Variants in GLG1 observed in about 807,000 individuals in gnomAD.
GLG1 encodes the protein golgi glycoprotein 1, also known as Golgi apparatus protein 1.
GLG1 carries 38 observed loss-of-function variants against 160.5 expected under a neutral mutation model. That is an observed-to-expected ratio of 0.24 (90% CI 0.18 to 0.31). The LOEUF (loss-of-function observed/expected upper bound fraction) is 0.31, where lower values mean the gene tolerates loss of function less well. Ranked by LOEUF, GLG1 falls within the 10% of genes least tolerant of loss-of-function variation. The pLI is 1.00. For synonymous variants in GLG1, 644 were observed against 543.4 expected (o/e 1.19, Z -2.57); for missense variants, 1,373 against 1,505.2 (o/e 0.91, Z 1.45).
intron 10 of GLG1, among the ~76,000 whole-genome samples, chr16:74,482,600 G>C (rs1161083996): frequency 6.6e-6 from 1 of 151,954 alleles, no homozygotes; most frequent in Admixed American, 6.6e-5. Context: ...CCTTAAGACA[G>C]ACTTAATTCA....
chr16:74,453,721 T>C (rs933805833), intron 25 of GLG1, among the ~76,000 whole-genome samples: 2 of 152,176 alleles, frequency 1.3e-5, no homozygotes, highest in African/African-American at 4.8e-5. Context: ...GGATGGAGAA[T>C]CAGTGCCCAG....
At chr16:74,516,788 C>T (rs113464744) in intron 2 of GLG1, among the ~76,000 whole-genome samples, 1 of 151,834 alleles carries the variant, frequency 6.6e-6, no homozygotes, top group Non-Finnish European at 1.5e-5. Context: ...TTGAAAAGAT[C>T]AACAAAATAG....
At position 74,452,111 on chromosome 16, in the gene GLG1, G is replaced by T. The variant is rs150213948; in HGVS notation, c.*1056C>A. Reference sequence around the variant, plus strand: ...CCACACTAAACCTTTATAAGCCATTGTCTCTGACCTGTATTGTAGCCTGAA... The same window carrying T: ...CCACACTAAACCTTTATAAGCCATTTTCTCTGACCTGTATTGTAGCCTGAA... On this transcript the variant is annotated 3_prime_UTR_variant, in exon 26 of 26. Coordinates refer to ENST00000422840, the MANE Select transcript of GLG1 (RefSeq NM_001145667.2). The T allele has an allele frequency of 2.6e-4, 418 of 1,614,036 alleles. No homozygotes were observed. Among genetic ancestry groups the T allele is most frequent in the Non-Finnish European group, 3.3e-4 (393 of 1,179,910 alleles).
At chr16:74,578,776 T>A (rs1296144698) in intron 1 of GLG1, among the ~76,000 whole-genome samples, 1 of 152,236 alleles carries the variant, frequency 6.6e-6, no homozygotes, top group African/African-American at 2.4e-5. Context: ...TGTGGTTTTT[T>A]AAAATCTTCC....
intron 1 of GLG1, among the ~76,000 whole-genome samples, chr16:74,606,096 G>A (rs929236738): frequency 6.6e-6 from 1 of 152,184 alleles, no homozygotes; most frequent in Non-Finnish European, 1.5e-5. Flanking sequence ...GGGGCGCCAA[G>A]TCACTGGGAG....
At chr16:74,556,659 G>C (rs1329840389) in intron 1 of GLG1, among the ~76,000 whole-genome samples, 1 of 151,400 alleles carries the variant, frequency 6.6e-6, no homozygotes, top group South Asian at 2.1e-4. Flanking sequence ...ATTCCAACCT[G>C]GGTGGCAGGT....
chr16:74,554,210 C>T (rs1402759957), intron 1 of GLG1, among the ~76,000 whole-genome samples: 1 of 152,154 alleles, frequency 6.6e-6, no homozygotes, highest in African/African-American at 2.4e-5. Context: ...TACTTTGTTA[C>T]AAAATGATTT....
At chr16:74,474,155 T>C (rs1239640711) in intron 13 of GLG1, 22 of 161,518 alleles carry the variant, frequency 1.4e-4, no homozygotes, top group Non-Finnish European at 2.6e-4. Context: ...GGTTTCACTA[T>C]GTTTGGCAAG....
chr16:74,474,368 A>C (rs955452533), intron 13 of GLG1, 178 bp downstream of exon 13: 1 of 584,864 alleles, frequency 1.7e-6, no homozygotes, highest in Non-Finnish European at 3.0e-6. Context: ...TGAGGGAAGG[A>C]GCTCACAAAG....
chr16:74,505,648 A>G (rs1023239923), intron 3 of GLG1, among the ~76,000 whole-genome samples: 1 of 152,186 alleles, frequency 6.6e-6, no homozygotes, highest in Non-Finnish European at 1.5e-5. Context: ...GGAGCTCAGG[A>G]GTTCGAGACC....
chr16:74,458,469 G>C (rs1597217976), intron 23 of GLG1, among the ~76,000 whole-genome samples: 2 of 152,124 alleles, frequency 1.3e-5, no homozygotes, highest in South Asian at 4.2e-4. Context: ...GTAGGAGTCT[G>C]AGACCCGTGT....
intron 3 of GLG1, among the ~76,000 whole-genome samples, chr16:74,504,175 A>C (rs2016515154): frequency 6.6e-6 from 1 of 152,212 alleles, no homozygotes; most frequent in African/African-American, 2.4e-5. Context: ...GCAAAAGTGA[A>C]GTCCAGCTGC....
Position 74,575,016 on chromosome 16 carries a change from G to C in GLG1, c.438+31641C>G, listed in dbSNP as rs1446446025. On this transcript the variant is annotated intron_variant, in intron 1 of 25. Coordinates refer to ENST00000422840, the MANE Select transcript of GLG1 (RefSeq NM_001145667.2). ...AGCACTTTGGGAGGCCGGGGGGGGG[G>C]GGGGGGCGGATCACGAGGTCAAGAG... Among the ~76,000 whole-genome samples the C allele has an allele frequency of 7.2e-5, 4 of 55,238 alleles. 2 individuals are homozygous for C. Among genetic ancestry groups the C allele is most frequent in the Admixed American group, 2.7e-4 (2 of 7,346 alleles). The allele number at this position is 55,238 out of a possible 152,430, so 36.2% of individuals were successfully genotyped here.
At chr16:74,582,891 G>C (rs1052423508) in intron 1 of GLG1, among the ~76,000 whole-genome samples, 1 of 151,800 alleles carries the variant, frequency 6.6e-6, no homozygotes, top group African/African-American at 2.4e-5. Context: ...GGGTTCTATA[G>C]AAGGTATTCT....
chr16:74,452,816 T>G lies in GLG1; in HGVS notation c.*351A>C. 9.8e-7 allele frequency: 1 copy of G among 1,016,184 alleles called. No individual in the cohort carries two copies. The highest frequency in any genetic ancestry group is 1.2e-6 in the Non-Finnish European group (1 of 850,396). 62.9% of individuals were successfully genotyped at this position (1,016,184 alleles called of 1,614,324 possible). On this transcript the variant is annotated 3_prime_UTR_variant, in exon 26 of 26. Transcript: ENST00000422840. Reference sequence around the variant, plus strand: ...TTTTTTCTTTAAAAAAATTTTTTTTTTTGGTGGTTTTCTTAAAAAAGCCTT... The same window carrying G: ...TTTTTTCTTTAAAAAAATTTTTTTTGTTGGTGGTTTTCTTAAAAAAGCCTT...
chr16:74,595,268 TG>T (rs1172321222), intron 1 of GLG1, among the ~76,000 whole-genome samples: 1 of 151,554 alleles, frequency 6.6e-6, no homozygotes, highest in East Asian at 1.9e-4. Context: ...CTGGGTGTGG[TG>T]GCTCACGCCT....
intron 12 of GLG1, among the ~76,000 whole-genome samples, chr16:74,475,254 C>G (rs2015357341): frequency 6.6e-6 from 1 of 151,252 alleles, no homozygotes; most frequent in African/African-American, 2.4e-5. Context: ...TCCTCAAAGT[C>G]TAAAAACCTT....
At chr16:74,505,423 C>CT (rs2016560124) in intron 3 of GLG1, among the ~76,000 whole-genome samples, 1 of 152,168 alleles carries the variant, frequency 6.6e-6, no homozygotes, top group Non-Finnish European at 1.5e-5. Context: ...TTTGTGATGC[C>CT]TAAAAGAGGG....
rs190437202 is a variant in GLG1 at position 74,565,300 on chromosome 16, G to A, written c.439-33147C>T. Among the ~76,000 whole-genome samples, 8 of 152,268 alleles carry A rather than the reference G, an allele frequency of 5.3e-5. No homozygotes were observed. In the East Asian group the frequency reaches 1.5e-3, roughly 29 times the overall value. On this transcript the variant is annotated intron_variant, in intron 1 of 25. Coordinates refer to ENST00000422840, the MANE Select transcript of GLG1 (RefSeq NM_001145667.2). Reference sequence around the variant, plus strand: ...ACCGAGATTTTATGACTACACCCCAGTCTAGGCAACAGAGCCACTCCATCT... The same window carrying A: ...ACCGAGATTTTATGACTACACCCCAATCTAGGCAACAGAGCCACTCCATCT...
Sources: allele counts gnomAD v4.1 joint callset (sites outside exome capture counted in the v4.1 genomes callset), GRCh38; gene constraint gnomAD v4.1.1; transcripts MANE v1.5; gene names NCBI Gene and HGNC (gene_info 2026-07-23, HGNC 2026-07-21).